ZNF678: variants seen among roughly 807,000 people sequenced by gnomAD.
ZNF678 encodes the protein hypothetical protein MGC42493.
ZNF678 carries 5 observed loss-of-function variants against 3.0 expected under a neutral mutation model. That is an observed-to-expected ratio of 1.69 (90% CI 0.88 to 3.56). The LOEUF is 3.56. Among genes scored for constraint, ZNF678 ranks in the 30% most tolerant of loss-of-function variants. The pLI is 0.00. For synonymous variants in ZNF678, 218 were observed against 199.6 expected, an observed-to-expected ratio of 1.09 and a Z score of -0.78; for missense variants, 593 against 605.0, an observed-to-expected ratio of 0.98 and a Z score of 0.21.
chr1:227,598,928 C>G, intron 1 of ZNF678: 1 of 759,122 alleles, frequency 1.3e-6, no homozygotes, highest in Non-Finnish European at 2.4e-6. Context: ...CTCCCTGTCT[C>G]TTTCTAGTTC....
chr1:227,637,690 G>T (rs972745430), intron 1 of ZNF678, among the ~76,000 whole-genome samples: 1 of 152,194 alleles, frequency 6.6e-6, no homozygotes, highest in African/African-American at 2.4e-5. Flanking sequence ...CAGGTTTTAA[G>T]GGCTCATGGA....
intron 2 of ZNF678, among the ~76,000 whole-genome samples, chr1:227,649,264 A>G (rs575464336): frequency 1.2e-4 from 18 of 152,166 alleles, no homozygotes; most frequent in Non-Finnish European, 2.2e-4. Flanking sequence ...ATCTTTTTCT[A>G]AGAGCCTTCA....
chr1:227,617,485 C>G (rs6656661), intron 1 of ZNF678, among the ~76,000 whole-genome samples: 2 of 152,006 alleles, frequency 1.3e-5, no homozygotes, highest in African/African-American at 4.8e-5. Context: ...ACAAATGGTT[C>G]GGCACAATAT....
At chr1:227,668,981 C>T (rs1659554505) in intron 5 of ZNF678, among the ~76,000 whole-genome samples, 1 of 151,864 alleles carries the variant, frequency 6.6e-6, no homozygotes, top group South Asian at 2.1e-4. Context: ...TAGAATTTAC[C>T]CTCCTCAACA....
chr1:227,614,352 C>G (rs1273249462), intron 1 of ZNF678, among the ~76,000 whole-genome samples: 1 of 152,230 alleles, frequency 6.6e-6, no homozygotes. Flanking sequence ...CACCTTTACC[C>G]TGGCACTCAT....
intron 1 of ZNF678, among the ~76,000 whole-genome samples, chr1:227,568,535 C>G (rs1221400112): frequency 6.6e-6 from 1 of 152,218 alleles, no homozygotes; most frequent in Non-Finnish European, 1.5e-5. Flanking sequence ...CCTACGCACC[C>G]AATCTTCTCC....
At chr1:227,628,965 A>C (rs990909245) in intron 1 of ZNF678, among the ~76,000 whole-genome samples, 15 of 152,086 alleles carry the variant, frequency 9.9e-5, no homozygotes, top group Non-Finnish European at 1.8e-4. Flanking sequence ...ACTGTAAACC[A>C]CTCTGCTTCC....
intron 1 of ZNF678, among the ~76,000 whole-genome samples, chr1:227,602,284 A>G (rs1657755489): frequency 6.6e-6 from 1 of 152,254 alleles, no homozygotes; most frequent in African/African-American, 2.4e-5. Context: ...TTTCTCTGAA[A>G]GTTTCAAATT....
downstream of ZNF678, among the ~76,000 whole-genome samples, chr1:227,679,329 A>G (rs943633632): frequency 6.6e-6 from 1 of 152,220 alleles, no homozygotes; most frequent in Non-Finnish European, 1.5e-5. Flanking sequence ...ACTAAAAGGC[A>G]GAAATGAAAT....
chr1:227,640,965 T>C (rs1174435547), intron 1 of ZNF678, among the ~76,000 whole-genome samples: 1 of 152,196 alleles, frequency 6.6e-6, no homozygotes, highest in Non-Finnish European at 1.5e-5. Flanking sequence ...GATCATTGAG[T>C]ACCTGGCACA....
At chr1:227,663,903 C>T (rs547943377), downstream of ZNF678, among the ~76,000 whole-genome samples, 101 of 152,296 alleles carry the variant, frequency 6.6e-4, no homozygotes, top group South Asian at 8.3e-4. Context: ...CCACTCCCAC[C>T]CAAGCCCAGT....
chr1:227,563,865 T>C lies in ZNF678; in HGVS notation c.-164+141T>C, dbSNP rs1657476303. 3 of 728,552 alleles carry C rather than the reference T, an allele frequency of 4.1e-6. No homozygotes were observed. In the Admixed American group the frequency reaches 7.9e-5, roughly 19 times the overall value. 45.1% of individuals were successfully genotyped at this position (728,552 alleles called of 1,614,324 possible). On this transcript the variant is annotated intron_variant, in intron 1 of 3. Coordinates refer to ENST00000343776, the MANE Select transcript of ZNF678 (RefSeq NM_001367909.1). Reference sequence around the variant, plus strand: ...GGGCGGGGCCAGGCCGCCGCGGGATTCTCCTCCCATCACTGCGCCGCGGCT... The same window carrying C: ...GGGCGGGGCCAGGCCGCCGCGGGATCCTCCTCCCATCACTGCGCCGCGGCT...
intron 1 of ZNF678, among the ~76,000 whole-genome samples, chr1:227,625,488 T>G (rs934718155): frequency 1.3e-5 from 2 of 152,138 alleles, no homozygotes; most frequent in Non-Finnish European, 2.9e-5. Context: ...CATCTGGGAC[T>G]CCATTTGAAG....
At position 227,671,848 on chromosome 1, in the gene ZNF678, C is replaced by G. The variant is rs1446181392; in HGVS notation, c.227-5331C>G. On this transcript the variant is annotated intron_variant, in intron 5 of 5. Coordinates refer to the ZNF678 transcript ENST00000608949. ...AGGCCCTTATTTCCAAGGAGCTTATCACTTAATGAAAAAATATTAAAAAGC... is the reference window on the plus strand; with the variant it reads ...AGGCCCTTATTTCCAAGGAGCTTATGACTTAATGAAAAAATATTAAAAAGC... 6.6e-5 allele frequency among the ~76,000 whole-genome samples: 10 copies of G among 152,232 alleles called. No homozygotes were observed. In the South Asian group the frequency reaches 2.1e-3, roughly 32 times the overall value.
intron 2 of ZNF678, among the ~76,000 whole-genome samples, chr1:227,649,895 G>A (rs1243639014): frequency 1.3e-5 from 2 of 151,756 alleles, no homozygotes; most frequent in Non-Finnish European, 1.5e-5. Context: ...TTTGATTTCT[G>A]AGTTCCTCAT....
chr1:227,591,282 G>C (rs1456509590), intron 1 of ZNF678, among the ~76,000 whole-genome samples: 1 of 147,486 alleles, frequency 6.8e-6, no homozygotes, highest in Non-Finnish European at 1.5e-5. Context: ...GAGGATTAAG[G>C]GTTATTACTA....
chr1:227,623,899 G>C (rs1267889276), intron 1 of ZNF678, among the ~76,000 whole-genome samples: 1 of 152,136 alleles, frequency 6.6e-6, no homozygotes, highest in African/African-American at 2.4e-5. Context: ...TGGAAGATTT[G>C]AGGTAATAAT....
At chr1:227,567,020 A>G (rs369849510) in intron 1 of ZNF678, among the ~76,000 whole-genome samples, 23 of 152,334 alleles carry the variant, frequency 1.5e-4, no homozygotes, top group African/African-American at 5.1e-4. Flanking sequence ...TTCATGAAAC[A>G]TCAGTTCCTC....
At chr1:227,644,462 A>G (rs1571910041) in intron 1 of ZNF678, among the ~76,000 whole-genome samples, 1 of 152,288 alleles carries the variant, frequency 6.6e-6, no homozygotes, top group East Asian at 1.9e-4. Context: ...AGACAATGCC[A>G]TGTTTCAGAA....
Sources: allele counts gnomAD v4.1 joint callset (sites outside exome capture counted in the v4.1 genomes callset), GRCh38; gene constraint gnomAD v4.1.1; transcripts MANE v1.5; gene names NCBI Gene and HGNC (gene_info 2026-07-23, HGNC 2026-07-21).